The following PLXDC2 variants were observed in gnomAD, a reference collection of about 807,000 sequenced individuals.
The protein encoded by PLXDC2 is plexin domain-containing protein 2.
PLXDC2 carries 40 observed loss-of-function variants against 68.9 expected under a neutral mutation model. The ratio of observed to expected loss-of-function variants is 0.58; its 90% CI spans 0.45 to 0.76. PLXDC2 has a LOEUF of 0.76. PLXDC2 is among the 30% of genes least tolerant of loss of function. The pLI is 0.00. For missense variants in PLXDC2, 644 were observed against 661.9 expected, an observed-to-expected ratio of 0.97 and a Z score of 0.30; for synonymous variants, 243 against 234.2, an observed-to-expected ratio of 1.04 and a Z score of -0.34.
intron 4 of PLXDC2, among the ~76,000 whole-genome samples, chr10:20,134,330 G>A (rs1014749432): frequency 3.3e-5 from 5 of 152,180 alleles, no homozygotes; most frequent in African/African-American, 1.2e-4. Context: ...ATTTGAAGAA[G>A]TAGGCACTTC....
intron 1 of PLXDC2, among the ~76,000 whole-genome samples, chr10:19,840,404 A>G (rs1377310121): frequency 1.3e-5 from 2 of 152,168 alleles, no homozygotes; most frequent in African/African-American, 2.4e-5. Flanking sequence ...TTTTACAAAT[A>G]TAACCCAGGA....
At chr10:19,913,896 G>A (rs763756850) in intron 1 of PLXDC2, among the ~76,000 whole-genome samples, 2 of 151,892 alleles carry the variant, frequency 1.3e-5, no homozygotes, top group South Asian at 4.2e-4. Context: ...AGTTCTACCC[G>A]AATCATCAGA....
chr10:19,977,913 A>C (rs182126441), intron 1 of PLXDC2, among the ~76,000 whole-genome samples: 1 of 152,290 alleles, frequency 6.6e-6, no homozygotes, highest in South Asian at 2.1e-4. Flanking sequence ...TGAAAAATGT[A>C]AACATTTAGT....
chr10:20,222,190 T>C (rs1835221493), intron 12 of PLXDC2, among the ~76,000 whole-genome samples: 1 of 152,220 alleles, frequency 6.6e-6, no homozygotes, highest in African/African-American at 2.4e-5. Flanking sequence ...CTACATTGTC[T>C]TTCTTGGTTA....
At position 19,990,228 on chromosome 10, in the gene PLXDC2, C is replaced by T. The variant is rs116986450; in HGVS notation, c.113-11547C>T. 1.5e-3 allele frequency among the ~76,000 whole-genome samples: 235 copies of T among 152,220 alleles called. 5 individuals are homozygous for T. In the East Asian group the frequency reaches 0.044, roughly 28 times the overall value. ...TTCTGTCTTAGTACTTTGTCCTGAG[C>T]ATTAGTGACTATATATCAAACATAA... On this transcript the variant is annotated intron_variant, in intron 1 of 13. Transcript: ENST00000377252.
At chr10:20,034,002 G>GT (rs1835540927) in intron 2 of PLXDC2, among the ~76,000 whole-genome samples, 1 of 151,966 alleles carries the variant, frequency 6.6e-6, no homozygotes, top group South Asian at 2.1e-4. Flanking sequence ...CATGCATCCT[G>GT]TTTTTTAAAA....
At chr10:19,844,635 G>T (rs559136071) in intron 1 of PLXDC2, among the ~76,000 whole-genome samples, 1 of 150,198 alleles carries the variant, frequency 6.7e-6, no homozygotes, top group Admixed American at 6.7e-5. Context: ...GGGCTCTGTC[G>T]TCTGGGCTGG....
chr10:20,115,140 C>A (rs983669414), intron 4 of PLXDC2, among the ~76,000 whole-genome samples: 2 of 152,102 alleles, frequency 1.3e-5, no homozygotes, highest in African/African-American at 4.8e-5. Flanking sequence ...TGCCATAAAC[C>A]AGAGGGCCAG....
chr10:19,822,698 T>C (rs1441534530), intron 1 of PLXDC2, among the ~76,000 whole-genome samples: 1 of 152,198 alleles, frequency 6.6e-6, no homozygotes, highest in East Asian at 1.9e-4. Context: ...GATACCTTAT[T>C]GTGATTTTGA....
At chr10:20,159,844 T>A (rs887327625) in intron 6 of PLXDC2, among the ~76,000 whole-genome samples, 1 of 152,330 alleles carries the variant, frequency 6.6e-6, no homozygotes, top group Admixed American at 6.5e-5. Flanking sequence ...TGACAGATTT[T>A]CTTACTTCCT....
At chr10:19,830,529 G>C (rs1836668077) in intron 1 of PLXDC2, among the ~76,000 whole-genome samples, 1 of 151,970 alleles carries the variant, frequency 6.6e-6, no homozygotes, top group African/African-American at 2.4e-5. Context: ...TATCTCCTCA[G>C]TATCTCTTTC....
chr10:19,843,711 T>TA (rs1374354874), intron 1 of PLXDC2, among the ~76,000 whole-genome samples: 3 of 152,114 alleles, frequency 2.0e-5, no homozygotes, highest in South Asian at 2.1e-4. Flanking sequence ...ATGTGGGAGC[T>TA]AAAAAAATGT....
At chr10:20,082,070 A>AAAAAAAAAAAAAAAAAG (rs1554765383) in intron 4 of PLXDC2, among the ~76,000 whole-genome samples, 1 of 121,932 alleles carries the variant, frequency 8.2e-6, no homozygotes, top group Non-Finnish European at 1.8e-5. Context: ...AAATCAAAAA[A>AAAAAAAAAAAAAAAAAG]AAAAAACAGG....
chr10:19,884,512 C>A (rs1837803129), intron 1 of PLXDC2, among the ~76,000 whole-genome samples: 1 of 143,936 alleles, frequency 6.9e-6, no homozygotes, highest in Non-Finnish European at 1.5e-5. Context: ...CCTCCCCCTA[C>A]CCCACAACAT....
intron 2 of PLXDC2, among the ~76,000 whole-genome samples, chr10:20,010,665 T>G (rs1835097792): frequency 6.6e-6 from 1 of 152,242 alleles, no homozygotes; most frequent in Non-Finnish European, 1.5e-5. Context: ...ATGCAGGTTG[T>G]AAAATTATTA....
intron 12 of PLXDC2, among the ~76,000 whole-genome samples, chr10:20,243,825 G>A (rs747942469): frequency 6.6e-6 from 1 of 152,156 alleles, no homozygotes; most frequent in Non-Finnish European, 1.5e-5. Flanking sequence ...TTGGGAGGCC[G>A]AGGTGGGTGA....
intron 13 of PLXDC2, among the ~76,000 whole-genome samples, chr10:20,263,295 G>A (rs973456968): frequency 6.6e-6 from 1 of 152,138 alleles, no homozygotes; most frequent in African/African-American, 2.4e-5. Flanking sequence ...TGGGAGAACT[G>A]GCTAGCCATA....
At chr10:20,110,292 A>T (rs1833542038) in intron 4 of PLXDC2, among the ~76,000 whole-genome samples, 1 of 152,128 alleles carries the variant, frequency 6.6e-6, no homozygotes, top group Admixed American at 6.6e-5. Context: ...CCTATCCTGG[A>T]GAGAAGACAG....
intron 1 of PLXDC2, among the ~76,000 whole-genome samples, chr10:19,983,448 C>A (rs114039961): frequency 6.6e-6 from 1 of 152,082 alleles, no homozygotes; most frequent in Non-Finnish European, 1.5e-5. Flanking sequence ...GGATAAATGC[C>A]TACTTAACTT....
Sources: allele counts gnomAD v4.1 joint callset (sites outside exome capture counted in the v4.1 genomes callset), GRCh38; gene constraint gnomAD v4.1.1; transcripts MANE v1.5; gene names NCBI Gene and HGNC (gene_info 2026-07-23, HGNC 2026-07-21).